ADORA2B: variants seen among roughly 807,000 people sequenced by gnomAD.
The protein encoded by ADORA2B is adenosine receptor A2b.
Under a neutral mutation model 20.8 loss-of-function variants are expected in ADORA2B, and 18 were observed. The ratio of observed to expected loss-of-function variants is 0.87; its 90% CI spans 0.60 to 1.29. The LOEUF is 1.29. Ranked by LOEUF, ADORA2B falls within the 50% of genes most tolerant of loss-of-function variation. The pLI, the probability that ADORA2B is intolerant of heterozygous loss-of-function variation, is 0.00. For synonymous variants in ADORA2B, 179 were observed against 178.3 expected (o/e 1.00, Z -0.03); for missense variants, 441 against 422.7 (o/e 1.04, Z -0.38).
the ADORA2B span, among the ~76,000 whole-genome samples, chr17:15,894,878 G>T: frequency 2.4e-4 from 36 of 152,260 alleles, 1 homozygote; most frequent in Middle Eastern, 3.4e-3. Flanking sequence ...ATTTTTTAAG[G>T]TGTTACAGTT....
the ADORA2B span, among the ~76,000 whole-genome samples, chr17:15,936,692 A>G: frequency 2.0e-5 from 3 of 152,238 alleles, no homozygotes; most frequent in African/African-American, 7.2e-5. Flanking sequence ...GCAGTGGCTC[A>G]TGCCTGTAAT....
chr17:15,938,725 T>C, the ADORA2B span, among the ~76,000 whole-genome samples: 14 of 152,248 alleles, frequency 9.2e-5, no homozygotes, highest in African/African-American at 3.1e-4. Flanking sequence ...CAGTAATGGT[T>C]ATATAACAGT....
chr17:15,854,096 C>T, the ADORA2B span, among the ~76,000 whole-genome samples: 2 of 152,324 alleles, frequency 1.3e-5, no homozygotes, highest in South Asian at 4.1e-4. Context: ...GCTGGTATTA[C>T]AGCCATGCAC....
chr17:15,855,188 C>T, the ADORA2B span, among the ~76,000 whole-genome samples: 12,410 of 152,110 alleles, frequency 0.082, 1,416 homozygotes, highest in African/African-American at 0.25. Context: ...GCCTCGGCCT[C>T]CCAAAGTGCT....
the ADORA2B span, among the ~76,000 whole-genome samples, chr17:15,875,460 A>G: frequency 6.6e-6 from 1 of 152,228 alleles, no homozygotes; most frequent in Non-Finnish European, 1.5e-5. Context: ...TGGAGTTCAC[A>G]TTAAGATGCT....
chr17:15,857,128 A>C, the ADORA2B span, among the ~76,000 whole-genome samples: 3 of 152,248 alleles, frequency 2.0e-5, no homozygotes, highest in Non-Finnish European at 4.4e-5. Flanking sequence ...TGGTGGCCAG[A>C]AGGGGCCAAT....
chr17:15,928,724 G>A, the ADORA2B span, among the ~76,000 whole-genome samples: 2 of 151,986 alleles, frequency 1.3e-5, no homozygotes, highest in Middle Eastern at 3.4e-3. Flanking sequence ...AAAGAGCGTT[G>A]TGGAGGAAGA....
chr17:15,969,016 ATCT>A (rs1970153948), intron 1 of ADORA2B, among the ~76,000 whole-genome samples: 1 of 152,126 alleles, frequency 6.6e-6, no homozygotes, highest in African/African-American at 2.4e-5. Flanking sequence ...ATGCTGGCCC[ATCT>A]TCTCACCACT....
the ADORA2B span, among the ~76,000 whole-genome samples, chr17:15,854,348 A>T: frequency 3.9e-5 from 6 of 152,228 alleles, no homozygotes; most frequent in African/African-American, 1.4e-4. Flanking sequence ...TTAATTTACC[A>T]CATTAACAAA....
the ADORA2B span, among the ~76,000 whole-genome samples, chr17:15,894,403 G>C: frequency 2.8e-4 from 42 of 152,308 alleles, 1 homozygote; most frequent in Middle Eastern, 3.4e-3. Context: ...AGGTGGAGGA[G>C]GCAGCAGTGC....
chr17:15,904,927 C>T, the ADORA2B span, among the ~76,000 whole-genome samples: 1 of 152,130 alleles, frequency 6.6e-6, no homozygotes, highest in African/African-American at 2.4e-5. Flanking sequence ...CTGTTCCTTA[C>T]CAATACTACA....
chr17:15,953,987 T>G (rs1969937509), intron 1 of ADORA2B, among the ~76,000 whole-genome samples: 1 of 152,120 alleles, frequency 6.6e-6, no homozygotes, highest in Admixed American at 6.5e-5. Context: ...ATTTACATTT[T>G]TTTTTTTTTG....
chr17:15,871,251 G>A, the ADORA2B span, among the ~76,000 whole-genome samples: 3 of 152,242 alleles, frequency 2.0e-5, no homozygotes, highest in South Asian at 6.2e-4. Context: ...CAGCAGATGG[G>A]GAGGGACGCG....
chr17:15,915,907 A>G, the ADORA2B span, among the ~76,000 whole-genome samples: 1 of 152,194 alleles, frequency 6.6e-6, no homozygotes, highest in Non-Finnish European at 1.5e-5. Flanking sequence ...CCAACCAGCT[A>G]TGTGGACATC....
the ADORA2B span, among the ~76,000 whole-genome samples, chr17:15,910,388 C>T: frequency 4.6e-5 from 7 of 152,072 alleles, 1 homozygote; most frequent in Admixed American, 3.9e-4. Context: ...ACCTCCATCT[C>T]CTCGGTTCAA....
chr17:15,924,181 G>A, the ADORA2B span, among the ~76,000 whole-genome samples: 3 of 152,172 alleles, frequency 2.0e-5, no homozygotes, highest in African/African-American at 7.2e-5. Context: ...CCAAAGTGCT[G>A]GGATGACAGG....
At chr17:15,941,652 C>T (rs1181561989), upstream of ADORA2B, among the ~76,000 whole-genome samples, 1 of 149,116 alleles carries the variant, frequency 6.7e-6, no homozygotes, top group Admixed American at 6.7e-5. Flanking sequence ...CACCTGAGCC[C>T]AGGAGGTTGA....
At chr17:15,960,859 G>C (rs1970027186) in intron 1 of ADORA2B, among the ~76,000 whole-genome samples, 1 of 149,968 alleles carries the variant, frequency 6.7e-6, no homozygotes. Flanking sequence ...CTGGGCGACA[G>C]AGCAAGACTC....
chr17:15,867,258 G>A, the ADORA2B span, among the ~76,000 whole-genome samples: 2 of 152,142 alleles, frequency 1.3e-5, no homozygotes, highest in Admixed American at 6.5e-5. Context: ...TGTCTGGGAT[G>A]TGAGGAGCCT....
Sources: gnomAD v4.1 joint callset for allele counts (sites outside exome capture counted in the v4.1 genomes callset) on GRCh38, gnomAD v4.1.1 for gene constraint, MANE v1.5 for transcripts, NCBI Gene and HGNC (gene_info 2026-07-23, HGNC 2026-07-21) for gene names.